SV2A: variants seen among roughly 807,000 people sequenced by gnomAD.
SV2A encodes solute carrier family 22 member B1.
In SV2A, 25 loss-of-function variants were observed where a neutral mutation model predicts 78.0. The observed-to-expected ratio is 0.32, with a 90% CI of 0.23 to 0.45. The LOEUF (loss-of-function observed/expected upper bound fraction) is 0.45. Among genes scored for constraint, SV2A ranks in the 20% least tolerant of loss-of-function variants. SV2A has a pLI of 1.00. For missense variants in SV2A, 752 were observed against 971.5 expected, an observed-to-expected ratio of 0.77 and a Z score of 3.00; for synonymous variants, 355 against 384.7, an observed-to-expected ratio of 0.92 and a Z score of 0.90.
intron 1 of SV2A, among the ~76,000 whole-genome samples, chr1:149,914,637 C>T (rs2092501471): frequency 6.6e-6 from 1 of 152,212 alleles, no homozygotes; most frequent in Non-Finnish European, 1.5e-5. Flanking sequence ...GGGGCTTCCA[C>T]TGTCCTTCCC....
At position 149,906,790 on chromosome 1, in the gene SV2A, C is replaced by A; in HGVS notation, c.1745G>T (p.Gly582Val). The stretch of plus-strand genomic sequence containing the variant: ...CGTCCCTGTCACGTCTAGCGGGCAG[C>A]CCTCCTTGTTGTGCAGGAATGTACT... Reference protein sequence around the residue: ...INSTFLHNKEGCPLDVTGTGE... With the variant: ...INSTFLHNKEVCPLDVTGTGE... The change falls in exon 11 of 13, where the codon GGC becomes GTC. Residue 582 changes from glycine (G) to valine (V), a missense_variant. Physicochemically the swap from Gly to Val is moderately radical, Grantham distance 109. Around this residue, in one of 7 missense-constraint regions of SV2A, gnomAD observed 186 missense variants for 274.6 expected, o/e 0.68. Coordinates refer to ENST00000369146, the MANE Select transcript of SV2A (RefSeq NM_014849.5). The A allele has an allele frequency of 6.2e-7, 1 of 1,614,234 alleles. No homozygotes were observed. Among genetic ancestry groups the A allele is most frequent in the Non-Finnish European group, 8.5e-7 (1 of 1,180,048 alleles).
chr1:149,904,426 A>T lies in SV2A; in HGVS notation c.*588T>A, dbSNP rs1388069928. On this transcript the variant is annotated 3_prime_UTR_variant, in exon 13 of 13. Coordinates refer to ENST00000369146, the MANE Select transcript of SV2A (RefSeq NM_014849.5). The stretch of plus-strand genomic sequence containing the variant: ...CTTAATCTATTAATAAATAAGAATC[A>T]GAAAGCTAATTTCATAAAATTCAGG... 1 of 153,226 alleles carries T rather than the reference A, an allele frequency of 6.5e-6. No homozygotes were observed. Among genetic ancestry groups the T allele is most frequent in the Non-Finnish European group, 1.5e-5 (1 of 68,480 alleles). The allele number at this position is 153,226 out of a possible 1,614,324, so 9.5% of individuals were successfully genotyped here. A position where few individuals can be genotyped will look rare whatever the true frequency, so the allele number is the denominator to read the frequency against.
At chr1:149,917,586 C>T (rs1262109335) in intron 1 of SV2A, among the ~76,000 whole-genome samples, 153 bp downstream of exon 1, 4 of 152,088 alleles carry the variant, frequency 2.6e-5, no homozygotes, top group African/African-American at 9.7e-5. Context: ...ATCCCCAAAC[C>T]ACCACCAACC....
chr1:149,909,928 C>T, intron 5 of SV2A, 38 bp from the exon 6 acceptor site: 1 of 1,597,520 alleles, frequency 6.3e-7, no homozygotes, highest in Non-Finnish European at 8.6e-7. Flanking sequence ...CCAAGTCAGC[C>T]CCTACCTGAC....
chr1:149,917,608 C>T (rs2092523934), intron 1 of SV2A, 131 bp downstream of exon 1: 1 of 152,334 alleles, frequency 6.6e-6, no homozygotes, highest in African/African-American at 2.4e-5. Context: ...ACCAACCCCC[C>T]TCACCCCTAG....
At chr1:149,906,551 T>G (rs912428205) in intron 11 of SV2A, 99 bp downstream of exon 11, 2 of 1,304,272 alleles carry the variant, frequency 1.5e-6, no homozygotes, top group Non-Finnish European at 2.1e-6. Flanking sequence ...AGGAACTCTC[T>G]GACCAATCTC....
rs2092414813 is a variant in SV2A, at chr1:149,903,724, T to C, written c.*1290A>G. The C allele has an allele frequency of 6.6e-6, 1 of 152,570 alleles. No individual in the cohort carries two copies. Among genetic ancestry groups the C allele is most frequent in the African/African-American group, 2.4e-5 (1 of 41,436 alleles). The allele number at this position is 152,570 out of a possible 1,614,324, so 9.5% of individuals were successfully genotyped here. On this transcript the variant is annotated 3_prime_UTR_variant, in exon 13 of 13. Coordinates refer to ENST00000369146, the MANE Select transcript of SV2A (RefSeq NM_014849.5). ...AAACATTTTACAAACATCTAAAAAC[T>C]ACAACACGTCACAGCTACAGTGGGG... is the stretch of plus-strand genomic sequence containing the variant.
At chr1:149,912,073 A>G (rs957211008) in intron 2 of SV2A, 93 bp from the exon 3 acceptor site, 1 of 1,329,550 alleles carries the variant, frequency 7.5e-7, no homozygotes, top group African/African-American at 1.5e-5. Context: ...AAGGATCTGA[A>G]AAACTTCTAG....
At chr1:149,906,501 A>AC in intron 11 of SV2A, 149 bp downstream of exon 11, 1 of 831,278 alleles carries the variant, frequency 1.2e-6, no homozygotes, top group South Asian at 1.8e-5. Flanking sequence ...GCCAGTCCCC[A>AC]CCCCATCCTG....
rs927027823 is a variant in SV2A, at chr1:149,909,710, G to A, written c.1179+91C>T. 10 of 1,457,708 alleles carry A rather than the reference G, an allele frequency of 6.9e-6. No homozygotes were observed. In the African/African-American group the frequency reaches 1.1e-4, roughly 16 times the overall value. The allele number at this position is 1,457,708 out of a possible 1,614,324, so 90.3% of individuals were successfully genotyped here. On this transcript the variant is annotated intron_variant, in intron 6 of 12. Transcript: ENST00000369146. ...CCTGAAAATCTCCTTACGGTAGAGT[G>A]TGGTCTGAGGTGGGGGGTACTCAGA...
intron 9 of SV2A, 78 bp downstream of exon 9, chr1:149,907,964 G>T: frequency 6.3e-7 from 1 of 1,577,946 alleles, no homozygotes; most frequent in Non-Finnish European, 8.6e-7. Flanking sequence ...CAAATGTCTT[G>T]TCTTGAACCC....
chr1:149,917,534 T>G (rs1289977753), intron 1 of SV2A, among the ~76,000 whole-genome samples: 2 of 152,054 alleles, frequency 1.3e-5, no homozygotes, highest in East Asian at 1.9e-4. Context: ...CATATGCGTG[T>G]GTGTGTGTGT....
At position 149,906,035 on chromosome 1, in the gene SV2A, G is replaced by T. The variant is rs782554405; in HGVS notation, c.1890C>A (p.Gly630=). The part of the protein sequence containing the change: ...DKIGRLRMLA[G]SSVMSCVSCF... ...AGGAGACACAGGACATCACGCTGGA[G>T]CCAGCTGGAGCCAGGAGAGGAGAGA... Residue 630 remains glycine (G), a synonymous_variant, in exon 12 of 13, where the codon GGC becomes GGA. Transcript: ENST00000369146. The T allele has an allele frequency of 6.2e-6, 10 of 1,614,094 alleles. No homozygotes were observed. The highest frequency in any genetic ancestry group is 7.6e-6 in the Non-Finnish European group (9 of 1,180,028).
chr1:149,915,850 C>T lies in SV2A; in HGVS notation c.-347-1663G>A, dbSNP rs587727791. 5.3e-5 allele frequency among the ~76,000 whole-genome samples: 8 copies of T among 152,162 alleles called. No individual in the cohort carries two copies. The East Asian group carries it at 1.5e-3, about 29-fold the overall frequency. ...TCAGAAATCATCCCCCTAAAAATATCCTGCCTCCGGTGCTCCCACCCATCC... is the reference window on the plus strand; with the variant it reads ...TCAGAAATCATCCCCCTAAAAATATTCTGCCTCCGGTGCTCCCACCCATCC... On this transcript the variant is annotated intron_variant, in intron 1 of 12. Transcript: ENST00000369146.
chr1:149,912,573 A>G (rs2092482140), intron 2 of SV2A, among the ~76,000 whole-genome samples: 2 of 152,242 alleles, frequency 1.3e-5, no homozygotes, highest in Admixed American at 1.3e-4. Flanking sequence ...CCCATGCCCA[A>G]ACCAAGCCCC....
chr1:149,911,582 GT>G (rs2092475671), intron 3 of SV2A, among the ~76,000 whole-genome samples: 1 of 152,182 alleles, frequency 6.6e-6, no homozygotes, highest in Admixed American at 6.5e-5. Context: ...GGACTCAGGA[GT>G]GGGCCAAGGA....
chr1:149,908,733 A>G (rs1369780795), intron 8 of SV2A, among the ~76,000 whole-genome samples: 1 of 151,786 alleles, frequency 6.6e-6, no homozygotes, highest in Non-Finnish European at 1.5e-5. Context: ...TGCCTCCCGG[A>G]TTCACACCAT....
rs142331474 is a variant in SV2A at position 149,913,518 on chromosome 1, C to T, written c.323G>A (p.Gly108Asp). 2.1e-4 allele frequency: 338 copies of T among 1,613,720 alleles called. 1 individual carries two copies. In the African/African-American group the frequency reaches 3.9e-3, roughly 18 times the overall value. Reference sequence around the variant, plus strand: ...CCCATCTGCCATCCGCTCGCCTTTGCCCCCAGACTCTGCCCGGGGAATGCC... The same window carrying T: ...CCCATCTGCCATCCGCTCGCCTTTGTCCCCAGACTCTGCCCGGGGAATGCC... ...YQGIPRAESGGKGERMADGAP... is the reference protein window; with the variant it reads ...YQGIPRAESGDKGERMADGAP... The change falls in exon 2 of 13, where the codon GGC (glycine) becomes GAC (aspartate). Residue 108 changes from glycine (G) to aspartate (D), a missense_variant. This residue lies in a region of SV2A where 291 missense variants were observed against 359.5 expected (regional missense o/e 0.81). Coordinates refer to ENST00000369146, the MANE Select transcript of SV2A (RefSeq NM_014849.5).
intron 2 of SV2A, among the ~76,000 whole-genome samples, chr1:149,912,680 C>T (rs1269921530): frequency 6.6e-6 from 1 of 152,038 alleles, no homozygotes; most frequent in African/African-American, 2.4e-5. Context: ...TCCTCAGAGT[C>T]CCTGTCAGGA....
Sources: gnomAD v4.1 joint callset for allele counts (sites outside exome capture counted in the v4.1 genomes callset) on GRCh38, gnomAD v4.1.1 for gene constraint, gnomAD v4.1.1 regional missense constraint, MANE v1.5 for transcripts, NCBI Gene and HGNC (gene_info 2026-07-23, HGNC 2026-07-21) for gene names.